The following HSPA4L variants were observed in gnomAD, a reference collection of about 807,000 sequenced individuals.
HSPA4L encodes heat shock protein family A (Hsp70) member 4 like.
HSPA4L carries 48 observed loss-of-function variants against 100.3 expected under a neutral mutation model. That is an observed-to-expected ratio of 0.48 (90% CI 0.38 to 0.61). The LOEUF is 0.61. Among genes scored for constraint, HSPA4L ranks in the 20% least tolerant of loss-of-function variants. The pLI is 0.00. For synonymous variants in HSPA4L, 319 were observed against 328.2 expected (o/e 0.97, Z 0.30); for missense variants, 886 against 988.6 (o/e 0.90, Z 1.39).
chr4:127,804,117 T>C (rs746088753), intron 8 of HSPA4L, 30 bp downstream of exon 8: 14 of 1,544,948 alleles, frequency 9.1e-6, no homozygotes, highest in South Asian at 6.8e-5. Flanking sequence ...CTATCAAAAC[T>C]GTACCATAAT....
intron 1 of HSPA4L, among the ~76,000 whole-genome samples, chr4:127,785,695 C>T (rs1298305747): frequency 1.3e-5 from 2 of 152,056 alleles, no homozygotes; most frequent in Non-Finnish European, 2.9e-5. Flanking sequence ...CCTCGGCCTC[C>T]CAAAGTGCTG....
intron 12 of HSPA4L, among the ~76,000 whole-genome samples, chr4:127,812,452 A>G (rs1733560521): frequency 6.6e-6 from 1 of 151,644 alleles, no homozygotes; most frequent in African/African-American, 2.4e-5. Context: ...TAACTTTATT[A>G]AAGAGTTATG....
intron 11 of HSPA4L, among the ~76,000 whole-genome samples, chr4:127,808,805 C>T (rs890669639): frequency 1.3e-5 from 2 of 152,116 alleles, no homozygotes; most frequent in Admixed American, 6.5e-5. Context: ...CACTTGTAAT[C>T]TCAGCTACTC....
At chr4:127,831,579 A>G (rs1329866976) in intron 18 of HSPA4L, among the ~76,000 whole-genome samples, 3 of 151,872 alleles carry the variant, frequency 2.0e-5, no homozygotes, top group African/African-American at 7.2e-5. Flanking sequence ...TGATGCATCC[A>G]TACAACACTA....
Position 127,840,054 on chromosome 4 carries a change from TA to T in HSPA4L, c.*7188del, listed in dbSNP as rs893169500. 3 of 151,298 alleles carry T rather than the reference TA, an allele frequency of 2.0e-5. No homozygotes were observed. The highest frequency in any genetic ancestry group is 4.4e-5 in the Non-Finnish European group (3 of 67,830). The allele number at this position is 151,298 out of a possible 1,614,324, so 9.4% of individuals were successfully genotyped here. On this transcript the variant is annotated 3_prime_UTR_variant, in exon 19 of 19. Coordinates refer to ENST00000296464, the MANE Select transcript of HSPA4L (RefSeq NM_014278.4). Reference sequence around the variant, plus strand: ...CAACATGGTGAAACCCCATCTCTACTAAAAAAAATACAAAAATTAGCGGGGC... The same window carrying T: ...CAACATGGTGAAACCCCATCTCTACTAAAAAAATACAAAAATTAGCGGGGC...
intron 14 of HSPA4L, among the ~76,000 whole-genome samples, chr4:127,822,013 G>A (rs1003535083): frequency 5.9e-5 from 9 of 151,796 alleles, no homozygotes; most frequent in African/African-American, 1.9e-4. Flanking sequence ...AGTGGTTTTC[G>A]GTATACTACG....
chr4:127,788,699 T>C (rs146282629), intron 1 of HSPA4L, among the ~76,000 whole-genome samples: 136 of 152,316 alleles, frequency 8.9e-4, no homozygotes, highest in African/African-American at 3.2e-3. Context: ...ATGTCACAAC[T>C]GAGGTCTAAA....
chr4:127,822,806 GAA>G lies in HSPA4L; in HGVS notation c.1852_1853del (p.Asn618Ter). The G allele has an allele frequency of 6.2e-7, 1 of 1,613,800 alleles. No homozygotes were observed. Among genetic ancestry groups the G allele is most frequent in the South Asian group, 1.1e-5 (1 of 91,066 alleles). ...ATGCAAGATAAGTTAGAGAAAGAAA[GAA>G]ATGATGCTAAGAATGCCGTTGAAGA... On this transcript the variant is annotated frameshift_variant, in exon 15 of 19. Coordinates refer to ENST00000296464, the MANE Select transcript of HSPA4L (RefSeq NM_014278.4). LOFTEE classifies it high-confidence loss of function.
chr4:127,818,229 A>G (rs575591660), intron 12 of HSPA4L, 96 bp from the exon 13 acceptor site: 1 of 721,732 alleles, frequency 1.4e-6, no homozygotes, highest in South Asian at 2.2e-5. Flanking sequence ...TACATTTTAC[A>G]TTTCAAAACA....
At position 127,837,663 on chromosome 4, in the gene HSPA4L, A is replaced by C. The variant is rs768996236; in HGVS notation, c.*4789A>C. On this transcript the variant is annotated 3_prime_UTR_variant, in exon 19 of 19. Transcript: ENST00000296464. Reference sequence around the variant, plus strand: ...AGCAAGAATATAAAATAATTTTAAGAAGCATATAATTTCTTTTGATAAAAA... The same window carrying C: ...AGCAAGAATATAAAATAATTTTAAGCAGCATATAATTTCTTTTGATAAAAA... 2.0e-5 allele frequency: 3 copies of C among 152,220 alleles called. No individual in the cohort carries two copies. The highest frequency in any genetic ancestry group is 4.4e-5 in the Non-Finnish European group (3 of 68,036). The allele number at this position is 152,220 out of a possible 1,614,324, so 9.4% of individuals were successfully genotyped here. A position where few individuals can be genotyped will look rare whatever the true frequency, so the allele number is the denominator to read the frequency against.
chr4:127,816,628 C>T (rs1733676938), intron 12 of HSPA4L, among the ~76,000 whole-genome samples: 1 of 152,066 alleles, frequency 6.6e-6, no homozygotes, highest in African/African-American at 2.4e-5. Flanking sequence ...AGTCATAAGT[C>T]TTGTAGAATA....
chr4:127,832,710 AT>A lies in HSPA4L; in HGVS notation c.2359del (p.Tyr787ThrfsTer56). The A allele has an allele frequency of 6.2e-7, 1 of 1,611,578 alleles. No homozygotes were observed. The highest frequency in any genetic ancestry group is 8.5e-7 in the Non-Finnish European group (1 of 1,178,892). On this transcript the variant is annotated frameshift_variant, in exon 19 of 19. Transcript: ENST00000296464. LOFTEE classifies it high-confidence loss of function. ...ACTGGATAATTTCTGTAACCCCATC[AT>A]TTACAAGCCCAAACCAAAAGCAGAA... ...KELDNFCNPI[I>X]YKPKPKAEVP... is the part of the protein sequence containing the mutation.
chr4:127,826,985 T>C (rs1172068318), intron 16 of HSPA4L, among the ~76,000 whole-genome samples: 1 of 152,186 alleles, frequency 6.6e-6, no homozygotes, highest in Non-Finnish European at 1.5e-5. Context: ...CAGTATAGTT[T>C]TTACAGTTTT....
chr4:127,788,655 G>GATCCCTTCT (rs1732784224), intron 1 of HSPA4L, among the ~76,000 whole-genome samples: 1 of 152,170 alleles, frequency 6.6e-6, no homozygotes, highest in African/African-American at 2.4e-5. Flanking sequence ...TGCCTCTGAA[G>GATCCCTTCT]GGATAACTGA....
intron 1 of HSPA4L, chr4:127,783,590 T>C (rs1578683363): frequency 6.5e-7 from 1 of 1,532,874 alleles, no homozygotes; most frequent in Non-Finnish European, 8.7e-7. Flanking sequence ...TTCTGAAATA[T>C]GAAAAACTAG....
At position 127,803,727 on chromosome 4, in the gene HSPA4L, A is replaced by T; in HGVS notation, c.762A>T (p.Ile254=). The T allele has an allele frequency of 6.2e-7, 1 of 1,613,984 alleles. No homozygotes were observed. The highest frequency in any genetic ancestry group is 8.5e-7 in the Non-Finnish European group (1 of 1,179,944). ...FCDEFKTKYK[I]NVKENSRALL... is the part of the protein sequence containing the mutation. ...ATGAGTTCAAGACCAAATATAAGAT[A>T]AATGTGAAAGAAAACTCTCGGGCCT... Residue 254 remains isoleucine (I), a synonymous_variant, in exon 7 of 19, where the codon ATA becomes ATT. Transcript: ENST00000296464.
intron 12 of HSPA4L, among the ~76,000 whole-genome samples, chr4:127,817,543 T>A (rs181027337): frequency 1.3e-5 from 2 of 152,198 alleles, no homozygotes; most frequent in African/African-American, 4.8e-5. Flanking sequence ...ATATATGGGA[T>A]TATTTGCCAA....
chr4:127,836,883 G>A lies in HSPA4L; in HGVS notation c.*4009G>A, dbSNP rs1734223439. The A allele has an allele frequency of 6.6e-6, 1 of 152,058 alleles. No homozygotes were observed. Among genetic ancestry groups the A allele is most frequent in the African/African-American group, 2.4e-5 (1 of 41,400 alleles). 9.4% of individuals were successfully genotyped at this position (152,058 alleles called of 1,614,324 possible). On this transcript the variant is annotated 3_prime_UTR_variant, in exon 19 of 19. Transcript: ENST00000296464. The stretch of plus-strand genomic sequence containing the variant: ...ATTAATTTTACAAATTATAGATTTA[G>A]AAATGATTCTTAAGTTATTGGTAAA...
At position 127,782,547 on chromosome 4, in the gene HSPA4L, C is replaced by A; in HGVS notation, c.-4C>A. On this transcript the variant is annotated 5_prime_UTR_variant, in exon 1 of 19. Transcript: ENST00000296464. ...TACCAGCAGCCCGACCATCACGCGGCGGGATGTCTGTGGTTGGCATTGACC... is the reference window on the plus strand; with the variant it reads ...TACCAGCAGCCCGACCATCACGCGGAGGGATGTCTGTGGTTGGCATTGACC... 1 of 1,612,970 alleles carries A rather than the reference C, an allele frequency of 6.2e-7. No homozygotes were observed.
Sources: gnomAD v4.1 joint callset for allele counts (sites outside exome capture counted in the v4.1 genomes callset) on GRCh38, gnomAD v4.1.1 for gene constraint, MANE v1.5 for transcripts, NCBI Gene and HGNC (gene_info 2026-07-23, HGNC 2026-07-21) for gene names.